The following KLF8 variants were observed in gnomAD, a reference collection of about 807,000 sequenced individuals.
The protein encoded by KLF8 is Krueppel-like factor 8.
A neutral mutation model predicts 18.2 loss-of-function variants in KLF8; 10 were observed. That is an observed-to-expected ratio of 0.55 (90% CI 0.34 to 0.93). The LOEUF is 0.93. Among genes scored for constraint, KLF8 ranks in the 40% least tolerant of loss-of-function variants. The pLI is 0.02. For synonymous variants in KLF8, 109 were observed against 97.3 expected (o/e 1.12, Z -0.71); for missense variants, 264 against 277.9 (o/e 0.95, Z 0.36).
At chrX:55,926,749 T>C in the KLF8 span, among the ~76,000 whole-genome samples, 1 of 110,892 alleles carries the variant, frequency 9.0e-6, no homozygotes, top group Non-Finnish European at 1.9e-5. Flanking sequence ...TTTAGGAACA[T>C]GGAGTGTACT....
rs1219981806 is a variant in KLF8 at position 56,235,837 on chromosome X, A to T, written c.7+2496A>T. 3.8e-4 allele frequency among the ~76,000 whole-genome samples: 43 copies of T among 112,296 alleles called. No individual in the cohort carries two copies. The Admixed American group carries it at 4.1e-3, about 11-fold the overall frequency. On this transcript the variant is annotated intron_variant, in intron 1 of 5. Transcript: ENST00000468660. The stretch of plus-strand genomic sequence containing the variant: ...TATAAATAATGTAAGGAAAGCATTG[A>T]ACTCAGTGCCTGATATCTAATATGT...
At chrX:56,088,023 A>C in the KLF8 span, among the ~76,000 whole-genome samples, 6 of 111,302 alleles carry the variant, frequency 5.4e-5, no homozygotes, top group Non-Finnish European at 1.1e-4. Flanking sequence ...TTTTTAGGTA[A>C]CATTTATTCT....
the KLF8 span, among the ~76,000 whole-genome samples, chrX:56,192,042 G>A: frequency 9.0e-6 from 1 of 111,668 alleles, no homozygotes; most frequent in African/African-American, 3.2e-5. Context: ...AATTATTCTT[G>A]TGTGCAGATG....
At chrX:56,071,091 A>G in the KLF8 span, among the ~76,000 whole-genome samples, 1 of 111,822 alleles carries the variant, frequency 8.9e-6, no homozygotes, top group Non-Finnish European at 1.9e-5. Flanking sequence ...TGTCTTTCAT[A>G]TTGGCCATGG....
the KLF8 span, among the ~76,000 whole-genome samples, chrX:56,058,277 TAC>T: frequency 5.3e-3 from 174 of 33,032 alleles, 3 homozygotes; most frequent in African/African-American, 0.02. Context: ...TACATATATA[TAC>T]ATATATATAT....
the KLF8 span, among the ~76,000 whole-genome samples, chrX:56,133,458 C>G: frequency 9.0e-6 from 1 of 111,628 alleles, no homozygotes; most frequent in Non-Finnish European, 1.9e-5. Context: ...TTTACAAATT[C>G]CAGCATTCCT....
intron 5 of KLF8, among the ~76,000 whole-genome samples, chrX:56,274,828 A>C (rs1463903872): frequency 8.9e-6 from 1 of 112,036 alleles, no homozygotes. Context: ...GCATAGATTT[A>C]TCTCTGGGTT....
the KLF8 span, among the ~76,000 whole-genome samples, chrX:55,930,913 A>G: frequency 8.9e-6 from 1 of 111,871 alleles, no homozygotes; most frequent in Non-Finnish European, 1.9e-5. Context: ...TGAGTTAGGG[A>G]GGATTCTCTC....
the KLF8 span, among the ~76,000 whole-genome samples, chrX:56,009,132 G>T: frequency 1.8e-5 from 2 of 111,369 alleles, no homozygotes; most frequent in East Asian, 5.7e-4. Context: ...GGCCACTCTA[G>T]GTGGTCCCCT....
chrX:55,951,340 G>A, the KLF8 span, among the ~76,000 whole-genome samples: 1 of 108,861 alleles, frequency 9.2e-6, no homozygotes, highest in East Asian at 2.9e-4. Context: ...GCCAGGTGTG[G>A]TGGGGGGCGC....
chrX:56,106,263 G>T, the KLF8 span, among the ~76,000 whole-genome samples: 1 of 111,666 alleles, frequency 9.0e-6, no homozygotes, highest in African/African-American at 3.3e-5. Context: ...ATATTGGCCT[G>T]CCTTGCTAGG....
the KLF8 span, among the ~76,000 whole-genome samples, chrX:56,143,035 C>G: frequency 9.0e-6 from 1 of 111,652 alleles, no homozygotes; most frequent in Non-Finnish European, 1.9e-5. Context: ...TGCTTTCTGT[C>G]TCATGCACAA....
the KLF8 span, among the ~76,000 whole-genome samples, chrX:56,001,722 C>G: frequency 5.4e-5 from 6 of 111,860 alleles, no homozygotes; most frequent in Non-Finnish European, 1.1e-4. Context: ...ACAAAAACTT[C>G]CCTTGTAAAA....
the KLF8 span, among the ~76,000 whole-genome samples, chrX:55,935,812 T>C: frequency 1.8e-5 from 2 of 111,931 alleles, no homozygotes; most frequent in Non-Finnish European, 3.8e-5. Flanking sequence ...GGCTTAAAAA[T>C]ATATCAGTTA....
At chrX:56,182,443 ATCT>A in the KLF8 span, among the ~76,000 whole-genome samples, 3 of 111,671 alleles carry the variant, frequency 2.7e-5, no homozygotes, top group Non-Finnish European at 3.8e-5. Flanking sequence ...GTTATTGCTG[ATCT>A]TCTGAGGCCC....
chrX:55,999,765 TTCAAGGTATAAGATCATA>T, the KLF8 span, among the ~76,000 whole-genome samples: 1 of 111,210 alleles, frequency 9.0e-6, no homozygotes, highest in Admixed American at 9.6e-5. Context: ...CTTTTGGGTT[TTCAAGGTATAAGATCATA>T]TCATTGGCAA....
chrX:56,045,161 C>T, the KLF8 span, among the ~76,000 whole-genome samples: 23 of 111,471 alleles, frequency 2.1e-4, no homozygotes, highest in Non-Finnish European at 3.8e-5. Context: ...GGTGTCCTTT[C>T]TTCACTTTAT....
the KLF8 span, among the ~76,000 whole-genome samples, chrX:56,087,493 A>C: frequency 9.1e-6 from 1 of 110,134 alleles, no homozygotes; most frequent in Middle Eastern, 4.3e-3. Context: ...TTTGCCTTTC[A>C]CCATGATTGT....
the KLF8 span, among the ~76,000 whole-genome samples, chrX:55,938,637 G>A: frequency 1.8e-5 from 2 of 110,409 alleles, no homozygotes; most frequent in Admixed American, 9.7e-5. Flanking sequence ...CCCATCTCAC[G>A]TGCAGAGACA....
Sources: allele counts gnomAD v4.1 joint callset (sites outside exome capture counted in the v4.1 genomes callset), GRCh38; gene constraint gnomAD v4.1.1; transcripts MANE v1.5; gene names NCBI Gene and HGNC (gene_info 2026-07-23, HGNC 2026-07-21).